CTDP1: variants seen among roughly 807,000 people sequenced by gnomAD.
CTDP1 encodes the protein CTD phosphatase 1, also known as RNA polymerase II subunit A C-terminal domain phosphatase.
Under a neutral mutation model 91.8 loss-of-function variants are expected in CTDP1, and 47 were observed. That is an observed-to-expected ratio of 0.51 (90% CI 0.41 to 0.65). The LOEUF (loss-of-function observed/expected upper bound fraction) is 0.65, where lower values mean the gene tolerates loss of function less well. CTDP1 is among the 30% of genes least tolerant of loss of function. The pLI is 0.00. For missense variants in CTDP1, 1,272 were observed against 1,373.7 expected, an observed-to-expected ratio of 0.93 and a Z score of 1.17; for synonymous variants, 656 against 598.5, an observed-to-expected ratio of 1.10 and a Z score of -1.40.
chr18:79,684,026 A>C (rs1245951659), intron 1 of CTDP1, among the ~76,000 whole-genome samples: 1 of 152,262 alleles, frequency 6.6e-6, no homozygotes, highest in East Asian at 1.9e-4. Context: ...ACATAGCATT[A>C]AATCTGCTGA....
intron 12 of CTDP1, among the ~76,000 whole-genome samples, chr18:79,745,329 C>CGTGCGGGTTCTGTCCCTGCGTCCCTCCT: frequency 9.4e-6 from 1 of 106,384 alleles, no homozygotes; most frequent in East Asian, 3.2e-4. Context: ...GCGTCCCTCC[C>CGTGCGGGTTCTGTCCCTGCGTCCCTCCT]GTGCGCGTTC....
At chr18:79,680,343 C>G in intron 1 of CTDP1, 82 bp downstream of exon 1, 1 of 1,149,880 alleles carries the variant, frequency 8.7e-7, no homozygotes, top group East Asian at 3.3e-5. Flanking sequence ...GCTGCGTCCG[C>G]GGTGGGCAGG....
At chr18:79,697,094 G>A (rs1227329615) in intron 3 of CTDP1, among the ~76,000 whole-genome samples, 3 of 152,226 alleles carry the variant, frequency 2.0e-5, no homozygotes, top group Admixed American at 1.3e-4. Context: ...AATGTAAAAT[G>A]TGTATGCGTA....
chr18:79,755,380 A>T (rs891898215), downstream of CTDP1: 2 of 152,200 alleles, frequency 1.3e-5, no homozygotes, highest in Non-Finnish European at 2.9e-5. Context: ...GAGAAGCAGG[A>T]GGTGAACTGG....
intron 1 of CTDP1, among the ~76,000 whole-genome samples, chr18:79,688,828 C>T (rs1427602058): frequency 6.6e-6 from 1 of 152,254 alleles, no homozygotes; most frequent in Non-Finnish European, 1.5e-5. Context: ...GCGTGAGCCA[C>T]CACACCCAGC....
intron 1 of CTDP1, 146 bp downstream of exon 1, chr18:79,680,407 C>T (rs1339979133): frequency 1.6e-5 from 10 of 606,774 alleles, no homozygotes; most frequent in South Asian, 7.7e-5. Flanking sequence ...CGCTTCTCCC[C>T]TAAAACTGGA....
intron 1 of CTDP1, among the ~76,000 whole-genome samples, chr18:79,690,807 G>A (rs1036630975): frequency 2.0e-5 from 3 of 152,200 alleles, no homozygotes; most frequent in African/African-American, 7.2e-5. Flanking sequence ...GGAGTCCTGG[G>A]GTGGGGGGTG....
Position 79,682,063 on chromosome 18 carries a change from C to T in CTDP1, c.314+1802C>T, listed in dbSNP as rs146329071. Among the ~76,000 whole-genome samples the T allele has an allele frequency of 1.2e-4, 18 of 152,230 alleles. No individual in the cohort carries two copies. The East Asian group carries it at 3.5e-3, about 29-fold the overall frequency. On this transcript the variant is annotated intron_variant, in intron 1 of 12. Transcript: ENST00000613122. ...AGTCTAAAGCCCTGTGTGCATGTGC[C>T]CTGGCAGTTCTGGTCGTCTGTTTGG...
At chr18:79,736,776 G>A (rs573592550) in intron 12 of CTDP1, among the ~76,000 whole-genome samples, 4 of 151,068 alleles carry the variant, frequency 2.6e-5, no homozygotes, top group South Asian at 2.1e-4. Context: ...CTGCGCAGGC[G>A]TGTGTGGGGT....
intron 12 of CTDP1, among the ~76,000 whole-genome samples, chr18:79,740,562 T>C (rs1292373659): frequency 6.6e-6 from 1 of 152,260 alleles, no homozygotes; most frequent in Non-Finnish European, 1.5e-5. Context: ...ATCATGATTC[T>C]TTCCCATGCG....
downstream of CTDP1, chr18:79,754,969 CT>C (rs1388630380): frequency 6.6e-6 from 1 of 152,300 alleles, no homozygotes; most frequent in African/African-American, 2.4e-5. Context: ...GCACCCTCCC[CT>C]GACCACAGCT....
At chr18:79,711,442 C>CT (rs1440364382) in intron 6 of CTDP1, among the ~76,000 whole-genome samples, 4 of 152,134 alleles carry the variant, frequency 2.6e-5, no homozygotes, top group South Asian at 2.1e-4. Context: ...AGCGACTGGA[C>CT]TTTCGGGCCC....
At chr18:79,699,316 A>C (rs2085809244) in intron 4 of CTDP1, among the ~76,000 whole-genome samples, 1 of 152,160 alleles carries the variant, frequency 6.6e-6, no homozygotes, top group Non-Finnish European at 1.5e-5. Flanking sequence ...GCTGGAGTGC[A>C]GTGGCAGGAT....
chr18:79,753,364 C>T (rs115060901), intron 12 of CTDP1, among the ~76,000 whole-genome samples: 172 of 152,370 alleles, frequency 1.1e-3, no homozygotes, highest in African/African-American at 4.0e-3. Context: ...TCTGGCATCA[C>T]AGGTGTTCAT....
At chr18:79,718,145 C>T (rs2086260316) in intron 10 of CTDP1, 129 bp downstream of exon 10, 3 of 1,105,110 alleles carry the variant, frequency 2.7e-6, no homozygotes, top group Admixed American at 2.0e-5. Context: ...GTGACTCCTG[C>T]TTCCACCTTG....
At chr18:79,685,785 C>T (rs1232527053) in intron 1 of CTDP1, among the ~76,000 whole-genome samples, 2 of 152,114 alleles carry the variant, frequency 1.3e-5, no homozygotes, top group African/African-American at 2.4e-5. Flanking sequence ...CCTAAGGGTC[C>T]GGTCCTGGAA....
At chr18:79,731,892 A>G (rs1302009977) in intron 11 of CTDP1, among the ~76,000 whole-genome samples, 1 of 152,212 alleles carries the variant, frequency 6.6e-6, no homozygotes, top group Non-Finnish European at 1.5e-5. Flanking sequence ...CACTAACATC[A>G]GGAGTGCTCC....
intron 1 of CTDP1, among the ~76,000 whole-genome samples, chr18:79,690,521 C>T (rs911812486): frequency 2.0e-5 from 3 of 152,310 alleles, no homozygotes; most frequent in South Asian, 2.1e-4. Context: ...GGTGTGGAGA[C>T]GTTTCTCTGC....
chr18:79,699,096 G>T (rs139908989), intron 4 of CTDP1, among the ~76,000 whole-genome samples: 1 of 152,228 alleles, frequency 6.6e-6, no homozygotes, highest in African/African-American at 2.4e-5. Flanking sequence ...GTTTAGGGCC[G>T]GAATTCAGGT....
Sources: gnomAD v4.1 joint callset for allele counts (sites outside exome capture counted in the v4.1 genomes callset) on GRCh38, gnomAD v4.1.1 for gene constraint, MANE v1.5 for transcripts, NCBI Gene and HGNC (gene_info 2026-07-23, HGNC 2026-07-21) for gene names.